The following FBXL7 variants were observed in gnomAD, a reference collection of about 807,000 sequenced individuals.
FBXL7 encodes the protein F-box and leucine rich repeat protein 7.
A neutral mutation model predicts 38.3 loss-of-function variants in FBXL7; 12 were observed. The ratio of observed to expected loss-of-function variants is 0.31; its 90% CI spans 0.20 to 0.51. FBXL7 has a LOEUF of 0.51. Among genes scored for constraint, FBXL7 ranks in the 20% least tolerant of loss-of-function variants. The pLI, the probability that FBXL7 is intolerant of heterozygous loss-of-function variation, is 0.98. For missense variants in FBXL7, 567 were observed against 676.4 expected, an observed-to-expected ratio of 0.84 and a Z score of 1.79; for synonymous variants, 297 against 300.9, an observed-to-expected ratio of 0.99 and a Z score of 0.13.
Position 15,801,665 on chromosome 5 carries a change from G to A in FBXL7, c.128-126225G>A, listed in dbSNP as rs1168626046. 2.9e-3 allele frequency among the ~76,000 whole-genome samples: 414 copies of A among 145,164 alleles called. 1 individual carries two copies. The highest frequency in any genetic ancestry group is 8.7e-3 in the African/African-American group (351 of 40,544). On this transcript the variant is annotated intron_variant, in intron 2 of 3. Coordinates refer to ENST00000504595, the MANE Select transcript of FBXL7 (RefSeq NM_012304.5). ...TGTGTGTGTGTGTGTGTGCGCGCGCGCGTGTGTGTGTGTTTGTGTGTGTGT... is the reference window on the plus strand; with the variant it reads ...TGTGTGTGTGTGTGTGTGCGCGCGCACGTGTGTGTGTGTTTGTGTGTGTGT...
intron 2 of FBXL7, among the ~76,000 whole-genome samples, chr5:15,637,440 G>T (rs1741222901): frequency 6.6e-6 from 1 of 152,150 alleles, no homozygotes; most frequent in Non-Finnish European, 1.5e-5. Flanking sequence ...AGGTAATGTG[G>T]GAAGCATGTC....
chr5:15,840,348 A>AGAATGAGGAGGAGGGGTTTTT (rs373325704), intron 2 of FBXL7, among the ~76,000 whole-genome samples: 1 of 152,226 alleles, frequency 6.6e-6, no homozygotes, highest in African/African-American at 2.4e-5. Flanking sequence ...CTGTTAGTAA[A>AGAATGAGGAGGAGGGGTTTTT]AACCCCTCCT....
At chr5:15,608,377 C>A (rs192390427) in intron 1 of FBXL7, among the ~76,000 whole-genome samples, 1 of 152,222 alleles carries the variant, frequency 6.6e-6, no homozygotes, top group African/African-American at 2.4e-5. Flanking sequence ...ATGGTTGACA[C>A]AAGAGTGCTT....
intron 1 of FBXL7, among the ~76,000 whole-genome samples, chr5:15,567,921 T>C (rs1333314686): frequency 6.6e-6 from 1 of 152,166 alleles, no homozygotes; most frequent in East Asian, 1.9e-4. Flanking sequence ...ACAAAAGACA[T>C]ATACTCATCA....
chr5:15,742,509 A>C (rs958232905), intron 2 of FBXL7, among the ~76,000 whole-genome samples: 1 of 152,074 alleles, frequency 6.6e-6, no homozygotes, highest in Non-Finnish European at 1.5e-5. Context: ...CATTCAGTAA[A>C]CCTGTAAAAG....
chr5:15,845,720 C>A (rs372825775), intron 2 of FBXL7, among the ~76,000 whole-genome samples: 3 of 152,044 alleles, frequency 2.0e-5, no homozygotes, highest in East Asian at 1.9e-4. Flanking sequence ...GCCTGTAATC[C>A]CAGCACTTTG....
In FBXL7 at chr5:15,562,294, C is replaced by A. The variant is rs144766849; in HGVS notation, c.38-53689C>A. Reference sequence around the variant, plus strand: ...CATCAAACTAAAAAGCTGTGCACACCAAAGGAAGCAGTCAACAAAAGGAGA... The same window carrying A: ...CATCAAACTAAAAAGCTGTGCACACAAAAGGAAGCAGTCAACAAAAGGAGA... On this transcript the variant is annotated intron_variant, in intron 1 of 3. Coordinates refer to ENST00000504595, the MANE Select transcript of FBXL7 (RefSeq NM_012304.5). Among the ~76,000 whole-genome samples the A allele has an allele frequency of 2.7e-3, 414 of 152,004 alleles. 6 individuals are homozygous for A. Among genetic ancestry groups the A allele is most frequent in the African/African-American group, 9.5e-3 (393 of 41,458 alleles).
intron 2 of FBXL7, among the ~76,000 whole-genome samples, chr5:15,679,558 G>GTTTTTTTTTTTTTTTTTTTTT (rs34375125): frequency 8.0e-6 from 1 of 125,128 alleles, no homozygotes. Flanking sequence ...ATGCTTCATT[G>GTTTTTTTTTTTTTTTTTTTTT]TTTTTTTTTT....
chr5:15,752,274 A>G (rs2126686983), intron 2 of FBXL7, among the ~76,000 whole-genome samples: 1 of 152,070 alleles, frequency 6.6e-6, no homozygotes, highest in African/African-American at 2.4e-5. Flanking sequence ...GTATAATAAT[A>G]AAAATAAAAT....
At chr5:15,773,304 CA>C (rs1579450739) in intron 2 of FBXL7, among the ~76,000 whole-genome samples, 1 of 152,088 alleles carries the variant, frequency 6.6e-6, no homozygotes, top group Non-Finnish European at 1.5e-5. Context: ...TATTCAATTC[CA>C]AGCAATCTTA....
chr5:15,725,849 G>A lies in FBXL7; in HGVS notation c.127+109777G>A, dbSNP rs114039181. Among the ~76,000 whole-genome samples the A allele has an allele frequency of 7.7e-3, 1,165 of 152,210 alleles. 13 individuals carry two copies. The highest frequency in any genetic ancestry group is 0.012 in the Non-Finnish European group (825 of 68,016). ...GACAGGGTTTCACCATGTTGGCCAG[G>A]CTGTAGATTGTTATTTCTGTGTTTA... On this transcript the variant is annotated intron_variant, in intron 2 of 3. Coordinates refer to ENST00000504595, the MANE Select transcript of FBXL7 (RefSeq NM_012304.5).
chr5:15,716,369 T>C (rs556492463), intron 2 of FBXL7, among the ~76,000 whole-genome samples: 21 of 152,210 alleles, frequency 1.4e-4, no homozygotes, highest in Admixed American at 1.2e-3. Context: ...ATGTGGCAAG[T>C]TTAACTTGCC....
At chr5:15,890,240 A>G (rs1740844517) in intron 2 of FBXL7, among the ~76,000 whole-genome samples, 1 of 151,812 alleles carries the variant, frequency 6.6e-6, no homozygotes, top group Non-Finnish European at 1.5e-5. Context: ...CAGCAGGGGC[A>G]TTTGATTCTT....
chr5:15,693,691 C>G (rs938105789), intron 2 of FBXL7, among the ~76,000 whole-genome samples: 2 of 152,170 alleles, frequency 1.3e-5, no homozygotes, highest in African/African-American at 4.8e-5. Context: ...TCAAGAGGAA[C>G]ACACTGGCAG....
intron 2 of FBXL7, among the ~76,000 whole-genome samples, chr5:15,645,738 G>C (rs908253104): frequency 5.9e-5 from 9 of 152,210 alleles, no homozygotes; most frequent in Non-Finnish European, 1.0e-4. Context: ...TTTCTGAAAA[G>C]TATCATTGTA....
chr5:15,728,198 C>G (rs894528986), intron 2 of FBXL7, among the ~76,000 whole-genome samples: 4 of 152,076 alleles, frequency 2.6e-5, no homozygotes, highest in Admixed American at 1.3e-4. Flanking sequence ...CCTAGTATAT[C>G]TGCCATGATG....
intron 2 of FBXL7, among the ~76,000 whole-genome samples, chr5:15,743,731 A>G (rs2126677625): frequency 6.6e-6 from 1 of 152,318 alleles, no homozygotes; most frequent in Admixed American, 6.5e-5. Context: ...CTGCCCTAGC[A>G]GTGGTTTTCC....
chr5:15,782,112 G>A (rs951437199), intron 2 of FBXL7, among the ~76,000 whole-genome samples: 3 of 152,104 alleles, frequency 2.0e-5, no homozygotes, highest in African/African-American at 7.2e-5. Flanking sequence ...TTAGTTTGCT[G>A]AGAATGAGGG....
intron 2 of FBXL7, among the ~76,000 whole-genome samples, chr5:15,703,334 C>A (rs1009748950): frequency 1.2e-4 from 19 of 152,110 alleles, no homozygotes; most frequent in African/African-American, 4.6e-4. Flanking sequence ...CATGTTTCAC[C>A]TCCAACAGAA....
Sources: allele counts gnomAD v4.1 joint callset (sites outside exome capture counted in the v4.1 genomes callset), GRCh38; gene constraint gnomAD v4.1.1; transcripts MANE v1.5; gene names NCBI Gene and HGNC (gene_info 2026-07-23, HGNC 2026-07-21).